ZNF469: variants seen among roughly 807,000 people sequenced by gnomAD.
ZNF469 encodes the protein zinc finger protein 469.
A neutral mutation model predicts 1.0 loss-of-function variants in ZNF469; 1 was observed. The ratio of observed to expected loss-of-function variants is 1.00; its 90% CI spans 0.35 to 4.73. The LOEUF is 4.73. Ranked by LOEUF, ZNF469 falls within the 30% of genes most tolerant of loss-of-function variation. The probability of loss-of-function intolerance (pLI) is 0.16; values close to 1 mark genes in which losing one functional copy is unlikely to be tolerated. For synonymous variants in ZNF469, 2,703 were observed against 2,363.4 expected, an observed-to-expected ratio of 1.14 and a Z score of -4.17; for missense variants, 6,100 against 5,356.3, an observed-to-expected ratio of 1.14 and a Z score of -4.33.
chr16:88,394,657 G>A lies in ZNF469; in HGVS notation c.-192+11403G>A, dbSNP rs1197812082. ...TCCTCTGCCGCCTGGTGAGCTTGTC[G>A]AATGCTGGAGGTACCTTGTCATTTT... is the stretch of plus-strand genomic sequence containing the variant. On this transcript the variant is annotated intron_variant, in intron 1 of 2. Coordinates refer to ENST00000565624, the MANE Select transcript of ZNF469 (RefSeq NM_001367624.2). Among the ~76,000 whole-genome samples the A allele has an allele frequency of 4.6e-5, 7 of 152,274 alleles. No individual in the cohort carries two copies. The East Asian group carries it at 9.7e-4, about 21-fold the overall frequency.
chr16:88,168,922 C>CG, the ZNF469 span, among the ~76,000 whole-genome samples: 157 of 143,054 alleles, frequency 1.1e-3, no homozygotes, highest in African/African-American at 4.3e-3. The surrounding 1 kb of genome is among the most constrained non-coding windows in gnomAD (Gnocchi z 4.3). Context: ...ATAGTGAGAC[C>CG]CCCCCCTCTA....
chr16:88,211,541 G>T, the ZNF469 span, among the ~76,000 whole-genome samples: 1 of 152,006 alleles, frequency 6.6e-6, no homozygotes, highest in Non-Finnish European at 1.5e-5. Context: ...CCTGGGTCCT[G>T]TAACAAAGAC....
chr16:88,437,209 A>G lies in ZNF469; in HGVS notation c.9739A>G (p.Lys3247Glu). The change falls in exon 3 of 3, where the codon AAG (lysine) becomes GAG (glutamate). Residue 3247 changes from lysine to glutamate, a missense_variant. Lys to Glu is a moderately conservative substitution (Grantham distance 56). Transcript: ENST00000565624. ...CCACAGGGGCAAGCGCTCCGCCGGC[A>G]AGGCCGCCGGGAGCCCGGGAGACCC... ...KHHRGKRSAG[K>E]AAGSPGDPWG... 1 of 1,549,434 alleles carries G rather than the reference A, an allele frequency of 6.5e-7. No homozygotes were observed. The highest frequency in any genetic ancestry group is 2.4e-5 in the East Asian group (1 of 40,890).
At chr16:88,244,297 A>G in the ZNF469 span, among the ~76,000 whole-genome samples, 103 of 149,324 alleles carry the variant, frequency 6.9e-4, no homozygotes, top group Non-Finnish European at 1.3e-3. Context: ...GAATGACTGG[A>G]TGGGTGAGTG....
chr16:88,368,873 G>T, the ZNF469 span, among the ~76,000 whole-genome samples: 11 of 152,178 alleles, frequency 7.2e-5, no homozygotes, highest in Admixed American at 5.2e-4. Flanking sequence ...GAGGTCAGGA[G>T]TTCGAGACCA....
At position 88,434,347 on chromosome 16, in the gene ZNF469, A is replaced by G. The variant is rs1330341170; in HGVS notation, c.6877A>G (p.Thr2293Ala). The G allele has an allele frequency of 2.6e-6, 4 of 1,549,984 alleles. No homozygotes were observed. The highest frequency in any genetic ancestry group is 2.6e-6 in the Non-Finnish European group (3 of 1,146,910). The change falls in exon 3 of 3, where the codon ACC becomes GCC. Residue 2293 changes from threonine (T) to alanine (A), a missense_variant. Physicochemically the swap from Thr to Ala is moderately conservative, Grantham distance 58. Transcript: ENST00000565624. ...VRATGLSSTP[T>A]GDEAQAGRGL... ...GGCTACTGGCCTGTCCAGCACTCCC[A>G]CCGGAGATGAGGCACAGGCAGGCAG... is the stretch of plus-strand genomic sequence containing the variant.
the ZNF469 span, among the ~76,000 whole-genome samples, chr16:88,279,847 A>ACGC: frequency 4.6e-5 from 6 of 131,278 alleles, no homozygotes; most frequent in African/African-American, 1.6e-4. Context: ...GTGCTGTGCC[A>ACGC]TGCTGACACT....
chr16:88,234,767 G>C, the ZNF469 span: 2 of 152,260 alleles, frequency 1.3e-5, no homozygotes, highest in African/African-American at 4.8e-5. Flanking sequence ...GCCCGTGTTT[G>C]TCTTTCCCAT....
At chr16:88,180,553 C>G in the ZNF469 span, among the ~76,000 whole-genome samples, 3 of 152,118 alleles carry the variant, frequency 2.0e-5, no homozygotes, top group Non-Finnish European at 4.4e-5. Context: ...GGGTGGATCA[C>G]CTGAGGTCAG....
At chr16:88,283,767 G>A in the ZNF469 span, among the ~76,000 whole-genome samples, 35 of 152,184 alleles carry the variant, frequency 2.3e-4, no homozygotes, top group African/African-American at 8.2e-4. Context: ...CCCCGAGTCT[G>A]CCCGAGGTCT....
the ZNF469 span, among the ~76,000 whole-genome samples, chr16:88,292,689 C>T: frequency 2.8e-4 from 42 of 151,624 alleles, no homozygotes; most frequent in African/African-American, 9.0e-4. Context: ...CATTGTGAAG[C>T]GCCTCCTGCT....
At chr16:88,294,420 C>T in the ZNF469 span, among the ~76,000 whole-genome samples, 1 of 152,300 alleles carries the variant, frequency 6.6e-6, no homozygotes, top group South Asian at 2.1e-4. Flanking sequence ...TAAACTTGGC[C>T]TTCCACATCA....
Position 88,437,407 on chromosome 16 carries a change from C to T in ZNF469, c.9937C>T (p.Pro3313Ser), listed in dbSNP as rs900244214. 1 of 1,527,302 alleles carries T rather than the reference C, an allele frequency of 6.5e-7. No individual in the cohort carries two copies. The highest frequency in any genetic ancestry group is 1.4e-5 in the African/African-American group (1 of 71,650). 94.6% of individuals were successfully genotyped at this position (1,527,302 alleles called of 1,614,324 possible). A position where few individuals can be genotyped will look rare whatever the true frequency, so the allele number is the denominator to read the frequency against. ...CCCCAGGACGACCCCCAGCCCGTCC[C>T]CCGACCCCTGGGCCGGCGGGGAGCC... ...GPPRTTPSPS[P>S]DPWAGGEPLL... The change falls in exon 3 of 3, where the codon CCC becomes TCC. Residue 3313 changes from proline (P) to serine (S), a missense_variant. Pro to Ser is a moderately conservative substitution (Grantham distance 74). Transcript: ENST00000565624.
At chr16:88,346,223 C>T in the ZNF469 span, among the ~76,000 whole-genome samples, 2 of 152,238 alleles carry the variant, frequency 1.3e-5, no homozygotes, top group Non-Finnish European at 2.9e-5. Flanking sequence ...GATGTGGGGA[C>T]GGCCGGTGCA....
At position 88,436,566 on chromosome 16, in the gene ZNF469, T is replaced by C; in HGVS notation, c.9096T>C (p.Leu3032=). 1 of 1,542,198 alleles carries C rather than the reference T, an allele frequency of 6.5e-7. No individual in the cohort carries two copies. Among genetic ancestry groups the C allele is most frequent in the Non-Finnish European group, 8.8e-7 (1 of 1,141,546 alleles). Residue 3032 remains leucine, a synonymous_variant, in exon 3 of 3, where the codon CTT becomes CTC. Coordinates refer to ENST00000565624, the MANE Select transcript of ZNF469 (RefSeq NM_001367624.2). ...SLERERCDGG[L]PGNTHLLPLR... Reference sequence around the variant, plus strand: ...AGAGAGAACGCTGTGACGGTGGGCTTCCCGGGAACACCCACCTGCTGCCGC... The same window carrying C: ...AGAGAGAACGCTGTGACGGTGGGCTCCCCGGGAACACCCACCTGCTGCCGC...
In ZNF469 at chr16:88,436,601, C is replaced by A; in HGVS notation, c.9131C>A (p.Thr3044Lys). 6.5e-7 allele frequency: 1 copy of A among 1,550,276 alleles called. No homozygotes were observed. The highest frequency in any genetic ancestry group is 8.7e-7 in the Non-Finnish European group (1 of 1,146,974). ...ACCCACCTGCTGCCGCTCCGTGCCA[C>A]GGACTTTGAGGTGCTCAGCACCAAG... ...GNTHLLPLRA[T>K]DFEVLSTKFE... Residue 3044 changes from threonine (T) to lysine (K), a missense_variant, in exon 3 of 3, where the codon ACG becomes AAG. Physicochemically the swap from Thr to Lys is moderately conservative, Grantham distance 78. Transcript: ENST00000565624.
the ZNF469 span, among the ~76,000 whole-genome samples, chr16:88,185,952 C>T: frequency 8.4e-6 from 1 of 118,834 alleles, no homozygotes; most frequent in African/African-American, 3.6e-5. Context: ...AGTACATGCA[C>T]ACACACACGC....
upstream of ZNF469, among the ~76,000 whole-genome samples, chr16:88,380,189 TCA>T (rs766923616): frequency 1.1e-3 from 117 of 109,106 alleles, no homozygotes; most frequent in African/African-American, 3.4e-3. Flanking sequence ...ACAAATGCAC[TCA>T]CACACAGACA....
At chr16:88,156,070 C>A in the ZNF469 span, among the ~76,000 whole-genome samples, 117 of 152,274 alleles carry the variant, frequency 7.7e-4, no homozygotes, top group South Asian at 0.017. Context: ...CTGTTTAGTT[C>A]TTTTGCCCAT....
Sources: gnomAD v4.1 joint callset for allele counts (sites outside exome capture counted in the v4.1 genomes callset) on GRCh38, gnomAD v4.1.1 for gene constraint, Gnocchi (gnomAD v3.1) non-coding constraint, MANE v1.5 for transcripts, NCBI Gene and HGNC (gene_info 2026-07-23, HGNC 2026-07-21) for gene names.